The following PCDH15 variants were observed in gnomAD, a reference collection of about 807,000 sequenced individuals.
The protein encoded by PCDH15 is protocadherin-15.
A neutral mutation model predicts 178.5 loss-of-function variants in PCDH15; 129 were observed. The ratio of observed to expected loss-of-function variants is 0.72; its 90% CI spans 0.63 to 0.84. The LOEUF (loss-of-function observed/expected upper bound fraction) is 0.84, where lower values mean the gene tolerates loss of function less well. PCDH15 is among the 40% of genes least tolerant of loss of function. The pLI, the probability that PCDH15 is intolerant of heterozygous loss-of-function variation, is 0.00. For synonymous variants in PCDH15, 800 were observed against 732.0 expected (o/e 1.09, Z -1.50); for missense variants, 2,230 against 2,099.9 (o/e 1.06, Z -1.21).
chr10:55,085,838 A>G (rs1842155525), intron 2 of PCDH15, among the ~76,000 whole-genome samples: 1 of 151,756 alleles, frequency 6.6e-6, no homozygotes, highest in Non-Finnish European at 1.5e-5. Context: ...TTACATCAAG[A>G]CTATTAATTA....
At chr10:54,259,551 G>A (rs1417765162) in intron 8 of PCDH15, among the ~76,000 whole-genome samples, 1 of 152,120 alleles carries the variant, frequency 6.6e-6, no homozygotes, top group African/African-American at 2.4e-5. Flanking sequence ...AGCAAACATA[G>A]GGTGAGTATT....
intron 18 of PCDH15, among the ~76,000 whole-genome samples, chr10:54,052,099 A>G (rs2660155): frequency 0.21 from 31,710 of 152,170 alleles, 3,496 homozygotes; most frequent in Non-Finnish European, 0.23. Flanking sequence ...TTTGCTATAG[A>G]AGTGGTGCCC....
chr10:54,233,141 G>A (rs529439925), intron 9 of PCDH15, among the ~76,000 whole-genome samples: 13 of 151,470 alleles, frequency 8.6e-5, no homozygotes, highest in East Asian at 1.9e-4. Context: ...ACAGGGTTTC[G>A]CCATATTGCC....
chr10:54,758,408 T>C (rs896753641), intron 1 of PCDH15, among the ~76,000 whole-genome samples: 1 of 152,196 alleles, frequency 6.6e-6, no homozygotes, highest in Admixed American at 6.5e-5. Context: ...TGTATTGTGT[T>C]GCTGACGCTT....
At chr10:54,423,620 C>G (rs181576878) in intron 3 of PCDH15, among the ~76,000 whole-genome samples, 1 of 151,984 alleles carries the variant, frequency 6.6e-6, no homozygotes, top group African/African-American at 2.4e-5. Context: ...TAAGGTCATA[C>G]TTTGATCACC....
chr10:53,950,537 C>G (rs1384835122), intron 23 of PCDH15, among the ~76,000 whole-genome samples: 2 of 152,082 alleles, frequency 1.3e-5, no homozygotes, highest in African/African-American at 4.8e-5. Flanking sequence ...TAATATAATG[C>G]ATTTCCCACT....
At chr10:53,933,370 G>T in intron 25 of PCDH15, among the ~76,000 whole-genome samples, 1 of 142,980 alleles carries the variant, frequency 7.0e-6, no homozygotes, top group Admixed American at 7.4e-5. Flanking sequence ...TTCCCCTTCT[G>T]TGTCCATGTG....
intron 8 of PCDH15, among the ~76,000 whole-genome samples, chr10:54,255,668 C>T (rs982653695): frequency 6.6e-6 from 1 of 151,976 alleles, no homozygotes; most frequent in Non-Finnish European, 1.5e-5. Flanking sequence ...AATAAATAGG[C>T]TGGCAATTAT....
chr10:55,158,579 A>G (rs1824312342), intron 2 of PCDH15, among the ~76,000 whole-genome samples: 2 of 142,656 alleles, frequency 1.4e-5, no homozygotes, highest in African/African-American at 2.5e-5. Flanking sequence ...ACAGCTGATT[A>G]TAACTGACAG....
intron 2 of PCDH15, among the ~76,000 whole-genome samples, chr10:55,622,090 T>G (rs938905405): frequency 2.9e-5 from 4 of 139,604 alleles, no homozygotes; most frequent in African/African-American, 1.1e-4. Context: ...ATAAATTATA[T>G]ATAATGTATA....
intron 2 of PCDH15, among the ~76,000 whole-genome samples, chr10:55,470,639 G>T (rs1839936914): frequency 6.6e-6 from 1 of 152,018 alleles, no homozygotes; most frequent in African/African-American, 2.4e-5. Flanking sequence ...TGTTATCATT[G>T]ATAAACCTAC....
intron 1 of PCDH15, among the ~76,000 whole-genome samples, chr10:55,205,824 G>C (rs889221682): frequency 6.6e-6 from 1 of 152,036 alleles, no homozygotes; most frequent in Non-Finnish European, 1.5e-5. Context: ...AAAAGAAAGA[G>C]GTTTATTGAA....
At chr10:54,589,731 G>T (rs1333870769) in intron 2 of PCDH15, among the ~76,000 whole-genome samples, 1 of 151,958 alleles carries the variant, frequency 6.6e-6, no homozygotes, top group East Asian at 1.9e-4. Context: ...CTCCCGAGTA[G>T]CTGGGACTAC....
intron 3 of PCDH15, among the ~76,000 whole-genome samples, chr10:54,891,122 G>T (rs1458896580): frequency 6.6e-6 from 1 of 152,026 alleles, no homozygotes; most frequent in Admixed American, 6.6e-5. Context: ...CATTATCAAT[G>T]TTCTAAACAA....
At chr10:55,024,454 TACAC>T (rs3073624) in intron 2 of PCDH15, among the ~76,000 whole-genome samples, 36 of 145,876 alleles carry the variant, frequency 2.5e-4, no homozygotes, top group South Asian at 8.6e-4. Context: ...TATATATATA[TACAC>T]ACACATATAT....
At chr10:54,505,430 A>G (rs572790744) in intron 3 of PCDH15, among the ~76,000 whole-genome samples, 28 of 152,240 alleles carry the variant, frequency 1.8e-4, no homozygotes, top group African/African-American at 6.3e-4. Flanking sequence ...TACAGATTTG[A>G]TCATATGCCA....
chr10:55,312,113 T>C (rs1169513870), intron 1 of PCDH15, among the ~76,000 whole-genome samples: 1 of 152,130 alleles, frequency 6.6e-6, no homozygotes, highest in Non-Finnish European at 1.5e-5. Flanking sequence ...TGTTTTCATG[T>C]TGCTCGAGGG....
At chr10:55,401,890 T>A (rs1303012003) in intron 2 of PCDH15, among the ~76,000 whole-genome samples, 1 of 152,012 alleles carries the variant, frequency 6.6e-6, no homozygotes, top group Non-Finnish European at 1.5e-5. Flanking sequence ...AACAAGGCAA[T>A]ATCCACATAT....
At chr10:55,152,415 A>C (rs1838754192) in intron 2 of PCDH15, among the ~76,000 whole-genome samples, 1 of 152,198 alleles carries the variant, frequency 6.6e-6, no homozygotes, top group Non-Finnish European at 1.5e-5. Context: ...ATAGACCTAT[A>C]ATTACTCAAT....
Sources: allele counts gnomAD v4.1 joint callset (sites outside exome capture counted in the v4.1 genomes callset), GRCh38; gene constraint gnomAD v4.1.1; transcripts MANE v1.5; gene names NCBI Gene and HGNC (gene_info 2026-07-23, HGNC 2026-07-21).